LTBP2: variants seen among roughly 807,000 people sequenced by gnomAD.
The protein encoded by LTBP2 is latent transforming growth factor beta binding protein 2, also known as latent-transforming growth factor beta-binding protein 2.
LTBP2 carries 103 observed loss-of-function variants against 210.6 expected under a neutral mutation model. The observed-to-expected ratio is 0.49, with a 90% CI of 0.42 to 0.58. LTBP2 has a LOEUF of 0.58. Ranked by LOEUF, LTBP2 falls within the 20% of genes least tolerant of loss-of-function variation. The pLI, the probability that LTBP2 is intolerant of heterozygous loss-of-function variation, is 0.00. For missense variants in LTBP2, 2,313 were observed against 2,494.5 expected (o/e 0.93, Z 1.55); for synonymous variants, 1,007 against 1,015.0 (o/e 0.99, Z 0.15).
chr14:74,564,137 TTATA>T (rs1203936572), intron 3 of LTBP2, among the ~76,000 whole-genome samples: 4 of 6,864 alleles, frequency 5.8e-4, no homozygotes, highest in Non-Finnish European at 7.9e-4. Context: ...ATATATATAT[TTATA>T]TATATATATT....
At chr14:74,522,946 T>C (rs1484645053) in intron 15 of LTBP2, 28 bp from the exon 16 acceptor site, 2 of 1,606,054 alleles carry the variant, frequency 1.2e-6, no homozygotes, top group Admixed American at 3.4e-5. Flanking sequence ...AAACAGAGGT[T>C]ATGGCAGGGT....
intron 17 of LTBP2, among the ~76,000 whole-genome samples, chr14:74,521,438 C>T (rs1195880688): frequency 6.6e-6 from 1 of 151,374 alleles, no homozygotes; most frequent in Non-Finnish European, 1.5e-5. Flanking sequence ...ATCACATCTT[C>T]CCAGGGAAGT....
intron 1 of LTBP2, among the ~76,000 whole-genome samples, chr14:74,607,427 A>G (rs1342636236): frequency 6.6e-6 from 1 of 152,234 alleles, no homozygotes; most frequent in Admixed American, 6.5e-5. Flanking sequence ...CCTTTCAGTT[A>G]TGAATTTATT....
At chr14:74,587,811 A>G (rs2088229045) in intron 2 of LTBP2, among the ~76,000 whole-genome samples, 1 of 152,174 alleles carries the variant, frequency 6.6e-6, no homozygotes, top group Non-Finnish European at 1.5e-5. Flanking sequence ...TGGCCGGGAT[A>G]AACATCTCCA....
chr14:74,552,479 G>A (rs1040971037), intron 5 of LTBP2, 86 bp from the exon 6 acceptor site: 36 of 1,289,392 alleles, frequency 2.8e-5, no homozygotes, highest in Middle Eastern at 3.6e-4. Context: ...AGAAACAGGC[G>A]GCAGAACCCT....
chr14:74,543,051 G>C (rs2087529857), intron 8 of LTBP2, among the ~76,000 whole-genome samples: 1 of 151,860 alleles, frequency 6.6e-6, no homozygotes, highest in Admixed American at 6.6e-5. Flanking sequence ...ACAGGCGTGA[G>C]CCACCGCTCC....
intron 8 of LTBP2, among the ~76,000 whole-genome samples, chr14:74,540,877 A>T (rs78367451): frequency 0.72 from 56,715 of 78,856 alleles, 21,752 homozygotes; most frequent in Non-Finnish European, 0.83. Context: ...TTATATATAT[A>T]ATATATATAT....
At chr14:74,539,592 G>C (rs1272785406) in intron 8 of LTBP2, among the ~76,000 whole-genome samples, 1 of 152,166 alleles carries the variant, frequency 6.6e-6, no homozygotes, top group East Asian at 1.9e-4. Flanking sequence ...TGTGGTCCCA[G>C]CTACTCTGGG....
At chr14:74,553,965 T>A (rs2087695578) in intron 4 of LTBP2, among the ~76,000 whole-genome samples, 1 of 137,620 alleles carries the variant, frequency 7.3e-6, no homozygotes, top group Non-Finnish European at 1.6e-5. Flanking sequence ...TGTGTGTGTG[T>A]GAATGAGAGA....
chr14:74,554,963 C>T (rs556230550), intron 4 of LTBP2, among the ~76,000 whole-genome samples: 71 of 132,198 alleles, frequency 5.4e-4, no homozygotes, highest in South Asian at 3.7e-3. Flanking sequence ...GATGGGGCCT[C>T]GGGAAAGGAG....
intron 7 of LTBP2, among the ~76,000 whole-genome samples, chr14:74,550,454 G>T (rs944004450): frequency 1.3e-5 from 2 of 152,170 alleles, no homozygotes; most frequent in Non-Finnish European, 2.9e-5. Context: ...AGGGTTTCTG[G>T]AAATACCTTA....
chr14:74,514,493 C>G (rs1008753845), intron 18 of LTBP2, among the ~76,000 whole-genome samples: 1 of 152,188 alleles, frequency 6.6e-6, no homozygotes, highest in Non-Finnish European at 1.5e-5. Context: ...GCTTCTCTAA[C>G]CACAGATCAG....
rs1382327509 is a variant in LTBP2 at position 74,596,270 on chromosome 14, A to AAAT, written c.565+7364_565+7365insATT. On this transcript the variant is annotated intron_variant, in intron 2 of 35. Coordinates refer to ENST00000261978, the MANE Select transcript of LTBP2 (RefSeq NM_000428.3). ...ATAAATAAATAAATAAATAAAAATT[A>AAAT]AAAACAAAGAAGTGGAGCAGAACTT... Among the ~76,000 whole-genome samples, 67 of 107,222 alleles carry AAAT rather than the reference A, an allele frequency of 6.2e-4. 1 individual carries two copies. The highest frequency in any genetic ancestry group is 2.6e-3 in the African/African-American group (64 of 24,376). 70.3% of individuals were successfully genotyped at this position (107,222 alleles called of 152,430 possible).
chr14:74,559,643 G>A (rs981212375), intron 3 of LTBP2: 7 of 149,554 alleles, frequency 4.7e-5, no homozygotes, highest in African/African-American at 1.8e-4. Context: ...AGGATGGAGT[G>A]GAGACTGTGA....
At chr14:74,611,079 C>T (rs1428939588) in intron 1 of LTBP2, among the ~76,000 whole-genome samples, 1 of 152,222 alleles carries the variant, frequency 6.6e-6, no homozygotes, top group Non-Finnish European at 1.5e-5. Context: ...GAGCCTGGAG[C>T]GCCCACCCTC....
Position 74,502,785 on chromosome 14 carries a change from G to A in LTBP2, c.5038C>T (p.Leu1680=), listed in dbSNP as rs750706263. The A allele has an allele frequency of 6.2e-7, 1 of 1,614,156 alleles. No individual in the cohort carries two copies. Among genetic ancestry groups the A allele is most frequent in the African/African-American group, 1.3e-5 (1 of 75,044 alleles). Residue 1680 remains leucine (L), a synonymous_variant, in exon 34 of 36, where the codon CTG becomes TTG. Coordinates refer to ENST00000261978, the MANE Select transcript of LTBP2 (RefSeq NM_000428.3). ...TCAGGGACGGTGTCCTCGGGGCCCA[G>A]GTAGTTGTAGAAGGGGGCCCCATCT... ...GPDGAPFYNY[L]GPEDTVPEPA...
chr14:74,514,454 T>G, intron 18 of LTBP2, among the ~76,000 whole-genome samples: 1 of 152,212 alleles, frequency 6.6e-6, no homozygotes, highest in East Asian at 1.9e-4. Context: ...CTTGCCAAGC[T>G]TCTGTTGGTT....
At chr14:74,562,783 G>A (rs1284925069) in intron 3 of LTBP2, among the ~76,000 whole-genome samples, 2 of 152,152 alleles carry the variant, frequency 1.3e-5, no homozygotes, top group Non-Finnish European at 2.9e-5. Context: ...GTGAGACTAT[G>A]CAGAAACAGA....
intron 2 of LTBP2, among the ~76,000 whole-genome samples, chr14:74,601,075 A>G (rs2088439093): frequency 1.3e-5 from 2 of 152,204 alleles, no homozygotes; most frequent in Admixed American, 1.3e-4. Flanking sequence ...AAAAAATTAC[A>G]GTGCCAGGCC....
Sources: allele counts gnomAD v4.1 joint callset (sites outside exome capture counted in the v4.1 genomes callset), GRCh38; gene constraint gnomAD v4.1.1; transcripts MANE v1.5; gene names NCBI Gene and HGNC (gene_info 2026-07-23, HGNC 2026-07-21).